The following SETX variants were observed in gnomAD, a reference collection of about 807,000 sequenced individuals.
SETX encodes the protein senataxin.
Under a neutral mutation model 227.2 loss-of-function variants are expected in SETX, and 90 were observed. The observed-to-expected ratio is 0.40, with a 90% CI of 0.33 to 0.47. The LOEUF is 0.47. Among genes scored for constraint, SETX ranks in the 20% least tolerant of loss-of-function variants. The pLI is 0.91. For missense variants in SETX, 3,052 were observed against 3,181.5 expected, an observed-to-expected ratio of 0.96 and a Z score of 0.98; for synonymous variants, 1,210 against 1,113.2, an observed-to-expected ratio of 1.09 and a Z score of -1.73.
At chr9:132,337,610 T>C (rs1251295245) in intron 5 of SETX, among the ~76,000 whole-genome samples, 1 of 152,250 alleles carries the variant, frequency 6.6e-6, no homozygotes, top group Non-Finnish European at 1.5e-5. Flanking sequence ...GCATGAGCTC[T>C]ATGCCAACAT....
At chr9:132,284,103 T>C (rs1843693537) in intron 18 of SETX, among the ~76,000 whole-genome samples, 3 of 152,192 alleles carry the variant, frequency 2.0e-5, no homozygotes, top group African/African-American at 7.2e-5. Flanking sequence ...ACCATGGAAT[T>C]CAAGGCATTC....
intron 21 of SETX, among the ~76,000 whole-genome samples, chr9:132,277,789 CAAAAAAAAAAA>C (rs372125008): frequency 1.5e-5 from 1 of 68,098 alleles, no homozygotes; most frequent in African/African-American, 4.9e-5. Flanking sequence ...ACCCTGTCTT[CAAAAAAAAAAA>C]AAAAAAAAAA....
chr9:132,325,450 C>A (rs1846674880), intron 10 of SETX, among the ~76,000 whole-genome samples: 1 of 150,750 alleles, frequency 6.6e-6, no homozygotes, highest in South Asian at 2.1e-4. Flanking sequence ...TGTAATTCAC[C>A]CTTTGCCACC....
chr9:132,306,864 G>A (rs1589691762), intron 11 of SETX, among the ~76,000 whole-genome samples: 1 of 151,550 alleles, frequency 6.6e-6, no homozygotes, highest in Non-Finnish European at 1.5e-5. Context: ...CAGAGGCACA[G>A]GCCACTGTGC....
At chr9:132,285,833 T>C (rs1277333680) in intron 18 of SETX, among the ~76,000 whole-genome samples, 2 of 144,794 alleles carry the variant, frequency 1.4e-5, no homozygotes, top group Non-Finnish European at 3.0e-5. Context: ...TGAGCTGAGA[T>C]TGTGCCACTG....
chr9:132,341,906 T>C (rs1847997131), intron 5 of SETX, among the ~76,000 whole-genome samples: 1 of 152,194 alleles, frequency 6.6e-6, no homozygotes, highest in African/African-American at 2.4e-5. Flanking sequence ...AGAAATAAGT[T>C]TTCCTTTGGA....
At chr9:132,305,376 T>G (rs1003177133) in intron 11 of SETX, among the ~76,000 whole-genome samples, 4 of 149,192 alleles carry the variant, frequency 2.7e-5, no homozygotes, top group African/African-American at 1.0e-4. Context: ...AAAAAACTAT[T>G]TCGAACAAAA....
chr9:132,325,319 G>T (rs1442778432), intron 10 of SETX, among the ~76,000 whole-genome samples: 1 of 152,016 alleles, frequency 6.6e-6, no homozygotes, highest in Non-Finnish European at 1.5e-5. Flanking sequence ...TTGCACCACT[G>T]CACTCCAGCC....
At chr9:132,267,663 G>C (rs570773794) in intron 25 of SETX, among the ~76,000 whole-genome samples, 1 of 152,382 alleles carries the variant, frequency 6.6e-6, no homozygotes, top group South Asian at 2.1e-4. Flanking sequence ...TGCCTTCCTA[G>C]AGTGAAGACA....
chr9:132,269,433 T>G, intron 25 of SETX, 182 bp downstream of exon 25: 2 of 1,576,690 alleles, frequency 1.3e-6, no homozygotes, highest in Non-Finnish European at 1.7e-6. Flanking sequence ...ACTTGGGTTC[T>G]GGGCTGAAAA....
At position 132,264,838 on chromosome 9, in the gene SETX, T is replaced by C. The variant is rs536912256; in HGVS notation, c.7435A>G (p.Ile2479Val). ...TGGGGTCTGGACCCCTCTGGGGCTA[T>C]GGTAGGAGGGTGAGTGAGACTTCTC... is the stretch of plus-strand genomic sequence containing the variant. ...LQRSLTHPPT[I>V]APEGSRPQGG... Residue 2479 changes from isoleucine to valine, a missense_variant, in exon 26 of 26, where the codon ATA becomes GTA. Physicochemically the swap from Ile to Val is conservative, Grantham distance 29. Coordinates refer to ENST00000224140, the MANE Select transcript of SETX (RefSeq NM_015046.7). 5 of 1,614,138 alleles carry C rather than the reference T, an allele frequency of 3.1e-6. No homozygotes were observed. Among genetic ancestry groups the C allele is most frequent in the African/African-American group, 1.3e-5 (1 of 75,042 alleles).
In SETX at chr9:132,262,122, A is replaced by T. The variant is rs903372389; in HGVS notation, c.*2117T>A. ...AAAGGATGATCTAGTTCTACCATTA[A>T]TTCTTGCAGAATCAGATCTGCTGAG... On this transcript the variant is annotated 3_prime_UTR_variant, in exon 26 of 26. Transcript: ENST00000224140. The T allele has an allele frequency of 1.3e-5, 2 of 152,256 alleles. No individual in the cohort carries two copies. The highest frequency in any genetic ancestry group is 2.4e-5 in the African/African-American group (1 of 41,474). 9.4% of individuals were successfully genotyped at this position (152,256 alleles called of 1,614,324 possible). A position where few individuals can be genotyped will look rare whatever the true frequency, so the allele number is the denominator to read the frequency against.
rs149495568 is a variant in SETX, at chr9:132,275,522, C to T, written c.6936-102G>A. ...GTTTGTTTCCCATTATAGTAAAGGG[C>T]AGGCAGATAGGCTTCATCTTTTATT... On this transcript the variant is annotated intron_variant, in intron 22 of 25. Transcript: ENST00000224140. 5.5e-4 allele frequency: 539 copies of T among 973,552 alleles called. 4 individuals carry two copies. The African/African-American group carries it at 6.1e-3, about 11-fold the overall frequency. 60.3% of individuals were successfully genotyped at this position (973,552 alleles called of 1,614,324 possible). A position where few individuals can be genotyped will look rare whatever the true frequency, so the allele number is the denominator to read the frequency against.
At chr9:132,343,438 T>C (rs1435051240) in intron 4 of SETX, among the ~76,000 whole-genome samples, 1 of 152,192 alleles carries the variant, frequency 6.6e-6, no homozygotes, top group Admixed American at 6.5e-5. Context: ...ATTTGTATCT[T>C]ATGTTTTGAT....
chr9:132,349,169 C>T, intron 3 of SETX, 83 bp downstream of exon 3: 1 of 1,321,708 alleles, frequency 7.6e-7, no homozygotes, highest in Non-Finnish European at 1.1e-6. Context: ...CATCATTTCT[C>T]TGAATACTTC....
intron 15 of SETX, among the ~76,000 whole-genome samples, chr9:132,293,597 T>C (rs1844471941): frequency 1.3e-5 from 2 of 152,116 alleles, no homozygotes; most frequent in South Asian, 4.1e-4. Context: ...AATTTGTATT[T>C]TTAGTAGGGA....
chr9:132,324,620 A>C (rs1186896474), intron 10 of SETX, among the ~76,000 whole-genome samples: 2 of 152,128 alleles, frequency 1.3e-5, no homozygotes, highest in Non-Finnish European at 2.9e-5. Context: ...TTTGTTCTAG[A>C]TCATACTAGA....
intron 24 of SETX, among the ~76,000 whole-genome samples, chr9:132,270,987 T>C (rs1842875553): frequency 6.6e-6 from 1 of 152,246 alleles, no homozygotes; most frequent in Non-Finnish European, 1.5e-5. Flanking sequence ...AACTAATTTA[T>C]AACCTGTAAA....
chr9:132,355,229 C>G (rs541285566), upstream of SETX, among the ~76,000 whole-genome samples: 248 of 152,138 alleles, frequency 1.6e-3, 2 homozygotes, highest in African/African-American at 5.5e-3. Flanking sequence ...GAGAGTTTGC[C>G]GCGGAACCTT....
Sources: gnomAD v4.1 joint callset for allele counts (sites outside exome capture counted in the v4.1 genomes callset) on GRCh38, gnomAD v4.1.1 for gene constraint, MANE v1.5 for transcripts, NCBI Gene and HGNC (gene_info 2026-07-23, HGNC 2026-07-21) for gene names.